The following DLG2 variants were observed in gnomAD, a reference collection of about 807,000 sequenced individuals.
The protein encoded by DLG2 is discs large MAGUK scaffold protein 2.
Under a neutral mutation model 132.5 loss-of-function variants are expected in DLG2, and 45 were observed. That is an observed-to-expected ratio of 0.34 (90% CI 0.27 to 0.44). DLG2 has a LOEUF of 0.44. DLG2 is among the 20% of genes least tolerant of loss of function. The probability of loss-of-function intolerance (pLI) is 1.00; values close to 1 mark genes in which losing one functional copy is unlikely to be tolerated. For synonymous variants in DLG2, 424 were observed against 419.6 expected (o/e 1.01, Z -0.13); for missense variants, 1,045 against 1,196.9 (o/e 0.87, Z 1.87).
chr11:84,646,892 T>A (rs2099675658), intron 6 of DLG2, among the ~76,000 whole-genome samples: 1 of 152,176 alleles, frequency 6.6e-6, no homozygotes. Context: ...CATCCTCTCT[T>A]CACACATTAG....
At chr11:83,537,455 A>C (rs2095909240) in intron 20 of DLG2, among the ~76,000 whole-genome samples, 2 of 152,160 alleles carry the variant, frequency 1.3e-5, no homozygotes, top group African/African-American at 4.8e-5. Context: ...TGCCAGCCAT[A>C]TGCTGCCATC....
intron 6 of DLG2, among the ~76,000 whole-genome samples, chr11:84,708,089 G>A (rs1245312398): frequency 2.0e-5 from 3 of 151,754 alleles, no homozygotes; most frequent in Non-Finnish European, 4.4e-5. Flanking sequence ...GGGCCATCTA[G>A]TCTAGCCCCC....
intron 6 of DLG2, among the ~76,000 whole-genome samples, chr11:84,852,830 C>T (rs568608302): frequency 7.9e-5 from 12 of 151,250 alleles, no homozygotes; most frequent in African/African-American, 2.7e-4. Flanking sequence ...GTTTAATCTT[C>T]AAAATTAACA....
At chr11:84,324,859 T>G (rs533218374) in intron 7 of DLG2, among the ~76,000 whole-genome samples, 3 of 152,150 alleles carry the variant, frequency 2.0e-5, no homozygotes, top group Admixed American at 6.5e-5. Context: ...AATTTTTGTA[T>G]ATTGATTTTG....
chr11:83,499,303 T>C (rs1451279028), intron 21 of DLG2, among the ~76,000 whole-genome samples: 1 of 152,184 alleles, frequency 6.6e-6, no homozygotes, highest in African/African-American at 2.4e-5. Flanking sequence ...CAAAATAGTA[T>C]TTCAAGTGAA....
At chr11:85,532,848 A>T (rs1236751133) in intron 3 of DLG2, among the ~76,000 whole-genome samples, 5 of 151,948 alleles carry the variant, frequency 3.3e-5, no homozygotes, top group South Asian at 2.1e-4. Flanking sequence ...AATCAAAGCT[A>T]TTTTTTTTAA....
At chr11:85,066,118 T>C (rs1246158218) in intron 6 of DLG2, among the ~76,000 whole-genome samples, 1 of 151,626 alleles carries the variant, frequency 6.6e-6, no homozygotes, top group East Asian at 1.9e-4. Context: ...AAAGGTGACA[T>C]CACAACTAAT....
At chr11:84,265,604 C>A (rs1598656502) in intron 7 of DLG2, among the ~76,000 whole-genome samples, 1 of 152,246 alleles carries the variant, frequency 6.6e-6, no homozygotes, top group East Asian at 1.9e-4. Context: ...TAAAACTCGT[C>A]TTGCCTAATT....
intron 6 of DLG2, among the ~76,000 whole-genome samples, chr11:84,600,633 G>C (rs894081551): frequency 2.6e-5 from 4 of 151,984 alleles, no homozygotes; most frequent in Non-Finnish European, 5.9e-5. Context: ...TCATTCTTCA[G>C]GAATTTAAAA....
intron 4 of DLG2, among the ~76,000 whole-genome samples, chr11:85,247,696 G>T (rs1427099307): frequency 5.9e-5 from 9 of 152,108 alleles, no homozygotes. Flanking sequence ...GATAGCTCAG[G>T]AATCTTTTCT....
At chr11:84,520,367 T>G (rs961647652) in intron 7 of DLG2, among the ~76,000 whole-genome samples, 3 of 152,160 alleles carry the variant, frequency 2.0e-5, no homozygotes, top group Non-Finnish European at 2.9e-5. Flanking sequence ...CTTGCCAGCC[T>G]ATTTACCCCT....
At chr11:85,223,792 G>A (rs1392504735) in intron 4 of DLG2, among the ~76,000 whole-genome samples, 1 of 152,048 alleles carries the variant, frequency 6.6e-6, no homozygotes, top group Non-Finnish European at 1.5e-5. Flanking sequence ...TTGGATTAGG[G>A]TAAGGGTGAG....
intron 3 of DLG2, among the ~76,000 whole-genome samples, chr11:85,461,935 T>A (rs1400548785): frequency 1.3e-5 from 2 of 151,898 alleles, no homozygotes; most frequent in East Asian, 1.9e-4. Context: ...GAATCTACAA[T>A]GAACTCAAAC....
At chr11:83,925,744 C>T (rs1444269597) in intron 15 of DLG2, among the ~76,000 whole-genome samples, 1 of 151,976 alleles carries the variant, frequency 6.6e-6, no homozygotes, top group Non-Finnish European at 1.5e-5. Flanking sequence ...TGCAAAATAA[C>T]AATAATTAGG....
At chr11:84,611,020 G>GACACACACACACAC (rs1377191854) in intron 6 of DLG2, among the ~76,000 whole-genome samples, 2 of 71,880 alleles carry the variant, frequency 2.8e-5, no homozygotes, top group African/African-American at 1.3e-4. Context: ...TCTGTTAGAT[G>GACACACACACACAC]ACATACACAC....
intron 18 of DLG2, among the ~76,000 whole-genome samples, chr11:83,737,127 T>C (rs1232186596): frequency 6.6e-6 from 1 of 152,232 alleles, no homozygotes; most frequent in East Asian, 1.9e-4. Flanking sequence ...ATGGAAGCTG[T>C]ACCTGTTTGG....
At chr11:84,490,577 T>C (rs2099162212) in intron 7 of DLG2, among the ~76,000 whole-genome samples, 1 of 150,000 alleles carries the variant, frequency 6.7e-6, no homozygotes, top group Admixed American at 6.7e-5. Context: ...AGGCTATTGA[T>C]GTCTTGACAG....
At chr11:85,454,239 G>T (rs550906501) in intron 3 of DLG2, among the ~76,000 whole-genome samples, 1 of 151,794 alleles carries the variant, frequency 6.6e-6, no homozygotes, top group South Asian at 2.1e-4. Flanking sequence ...TGGCCAGTCT[G>T]ACTGGTATGA....
At chr11:84,068,043 C>CA (rs1298468325) in intron 10 of DLG2, among the ~76,000 whole-genome samples, 1 of 152,096 alleles carries the variant, frequency 6.6e-6, no homozygotes, top group African/African-American at 2.4e-5. Context: ...CCATGAGACT[C>CA]AGAGGTTCTA....
Sources: gnomAD v4.1 joint callset for allele counts (sites outside exome capture counted in the v4.1 genomes callset) on GRCh38, gnomAD v4.1.1 for gene constraint, MANE v1.5 for transcripts, NCBI Gene and HGNC (gene_info 2026-07-23, HGNC 2026-07-21) for gene names.